The following EPHA4 variants were observed in gnomAD, a reference collection of about 807,000 sequenced individuals.
The protein encoded by EPHA4 is ephrin type-A receptor 4.
In EPHA4, 19 loss-of-function variants were observed where a neutral mutation model predicts 108.3. The ratio of observed to expected loss-of-function variants is 0.18; its 90% confidence interval spans 0.12 to 0.26. The LOEUF (loss-of-function observed/expected upper bound fraction) is 0.26, where lower values mean the gene tolerates loss of function less well. EPHA4 is among the 10% of genes least tolerant of loss of function. EPHA4 has a pLI of 1.00. For missense variants in EPHA4, 917 were observed against 1,254.0 expected (o/e 0.73, Z 4.06); for synonymous variants, 449 against 455.5 (o/e 0.99, Z 0.18).
At chr2:221,481,782 A>G (rs190101876) in intron 5 of EPHA4, among the ~76,000 whole-genome samples, 1 of 152,370 alleles carries the variant, frequency 6.6e-6, no homozygotes, top group Admixed American at 6.5e-5. Context: ...ATAATATTTT[A>G]CATTAAAGCA....
chr2:221,520,506 CCACACACACACACACACA>C (rs61047207), intron 3 of EPHA4, among the ~76,000 whole-genome samples: 1 of 142,044 alleles, frequency 7.0e-6, no homozygotes, highest in Non-Finnish European at 1.5e-5. Flanking sequence ...TTTCCTCTAA[CCACACACACACACACACA>C]CACACACACA....
intron 3 of EPHA4, among the ~76,000 whole-genome samples, chr2:221,529,346 C>A (rs1228188040): frequency 6.6e-6 from 1 of 152,134 alleles, no homozygotes; most frequent in Admixed American, 6.5e-5. Context: ...ATTCACAAAG[C>A]ACAGGAGGGA....
intron 3 of EPHA4, among the ~76,000 whole-genome samples, chr2:221,544,100 C>G (rs1234705619): frequency 6.6e-6 from 1 of 152,154 alleles, no homozygotes; most frequent in East Asian, 1.9e-4. Flanking sequence ...GGGCTCCACT[C>G]TCATGACCTA....
At chr2:221,466,134 C>T (rs3755031) in intron 5 of EPHA4, among the ~76,000 whole-genome samples, 3,626 of 152,296 alleles carry the variant, frequency 0.024, 92 homozygotes, top group East Asian at 0.081. Flanking sequence ...GCCACAATCA[C>T]GGCCACTAGT....
At chr2:221,572,502 G>A (rs1423228675), upstream of EPHA4, 1 of 176,194 alleles carries the variant, frequency 5.7e-6, no homozygotes, top group Non-Finnish European at 8.9e-6. Context: ...GGCTCTAGGG[G>A]GCGAGCACGG....
At chr2:221,501,283 A>G (rs1490451297) in intron 3 of EPHA4, 111 bp from the exon 4 acceptor site, 9 of 942,830 alleles carry the variant, frequency 9.5e-6, no homozygotes, top group African/African-American at 1.7e-5. Context: ...CTTGCTAATC[A>G]TTAGCGATCA....
chr2:221,541,014 A>AAAC (rs1377928578), intron 3 of EPHA4, among the ~76,000 whole-genome samples: 9 of 146,862 alleles, frequency 6.1e-5, no homozygotes, highest in Non-Finnish European at 1.0e-4. Flanking sequence ...TGACACAATC[A>AAAC]TAGCTCACTG....
chr2:221,481,199 T>C (rs988441961), intron 5 of EPHA4, among the ~76,000 whole-genome samples: 3 of 152,192 alleles, frequency 2.0e-5, no homozygotes, highest in Non-Finnish European at 4.4e-5. Flanking sequence ...AAATATTTGA[T>C]ATTCAAGATT....
intron 3 of EPHA4, among the ~76,000 whole-genome samples, chr2:221,545,613 A>G (rs80161035): frequency 0.019 from 2,848 of 152,258 alleles, 91 homozygotes; most frequent in East Asian, 0.084. Context: ...TACCCCTTAA[A>G]AATTACCTCC....
chr2:221,487,173 C>A (rs1427024978), intron 4 of EPHA4, among the ~76,000 whole-genome samples: 1 of 152,052 alleles, frequency 6.6e-6, no homozygotes, highest in Non-Finnish European at 1.5e-5. Context: ...GTGTTTATCA[C>A]CTGCTTTAGA....
intron 5 of EPHA4, among the ~76,000 whole-genome samples, chr2:221,466,620 C>T (rs911856533): frequency 6.6e-5 from 10 of 152,160 alleles, no homozygotes; most frequent in African/African-American, 4.8e-5. Context: ...AACATACACA[C>T]GAAACTAGCA....
chr2:221,482,995 TATC>T (rs1574600816), intron 4 of EPHA4, among the ~76,000 whole-genome samples: 2 of 152,148 alleles, frequency 1.3e-5, no homozygotes, highest in East Asian at 3.9e-4. Flanking sequence ...GGCAGAAAAA[TATC>T]ATAATTTATC....
chr2:221,560,568 A>G (rs935426617), intron 3 of EPHA4, among the ~76,000 whole-genome samples: 1 of 152,142 alleles, frequency 6.6e-6, no homozygotes, highest in Non-Finnish European at 1.5e-5. Flanking sequence ...TCCTTCTACT[A>G]TTTCAACTCA....
chr2:221,423,322 T>A (rs1428872216), intron 17 of EPHA4, among the ~76,000 whole-genome samples: 2 of 152,240 alleles, frequency 1.3e-5, no homozygotes, highest in South Asian at 4.1e-4. Flanking sequence ...AATCCATAGC[T>A]GTCCGGATGC....
chr2:221,481,631 G>A (rs1314390683), intron 5 of EPHA4, among the ~76,000 whole-genome samples: 1 of 152,060 alleles, frequency 6.6e-6, no homozygotes, highest in Non-Finnish European at 1.5e-5. Context: ...TCCAGCTTGG[G>A]CGACAGAGTG....
At chr2:221,516,748 C>T (rs905404702) in intron 3 of EPHA4, among the ~76,000 whole-genome samples, 7 of 151,992 alleles carry the variant, frequency 4.6e-5, no homozygotes, top group South Asian at 2.1e-4. Flanking sequence ...TAGTCCAGCA[C>T]GTTTATCTTT....
intron 3 of EPHA4, among the ~76,000 whole-genome samples, chr2:221,531,199 G>A (rs995397825): frequency 1.3e-5 from 2 of 152,128 alleles, no homozygotes; most frequent in Non-Finnish European, 2.9e-5. Context: ...TTCTCTCTAA[G>A]GTAAGGTGAG....
At position 221,436,582 on chromosome 2, in the gene EPHA4, A is replaced by G. The variant is rs1690246788; in HGVS notation, c.2163T>C (p.Ile721=). ...TGCCACGAAGCATGCCCACCAGCTG[A>G]ATGACTGTAAATCTGCCATCATTTT... ...LRKNDGRFTV[I]QLVGMLRGIG... Residue 721 remains isoleucine (I), a synonymous_variant, in exon 13 of 18, where the codon ATT becomes ATC. Coordinates refer to ENST00000281821, the MANE Select transcript of EPHA4 (RefSeq NM_004438.5). The G allele has an allele frequency of 6.2e-7, 1 of 1,614,030 alleles. No individual in the cohort carries two copies. The highest frequency in any genetic ancestry group is 1.3e-5 in the African/African-American group (1 of 74,918).
chr2:221,514,089 G>T (rs995868811), intron 3 of EPHA4, among the ~76,000 whole-genome samples: 2 of 116,856 alleles, frequency 1.7e-5, no homozygotes, highest in East Asian at 5.4e-4. Flanking sequence ...CCTGTAAGCC[G>T]GGGGGAGGGG....
Sources: allele counts gnomAD v4.1 joint callset (sites outside exome capture counted in the v4.1 genomes callset), GRCh38; gene constraint gnomAD v4.1.1; transcripts MANE v1.5; gene names NCBI Gene and HGNC (gene_info 2026-07-23, HGNC 2026-07-21).